Variants in PLEKHM3 observed in about 807,000 individuals in gnomAD.
PLEKHM3 encodes the protein pleckstrin homology domain containing M3.
Under a neutral mutation model 81.8 loss-of-function variants are expected in PLEKHM3, and 45 were observed. That is an observed-to-expected ratio of 0.55 (90% confidence interval 0.43 to 0.71). The LOEUF (loss-of-function observed/expected upper bound fraction) is 0.71. Among genes scored for constraint, PLEKHM3 ranks in the 30% least tolerant of loss-of-function variants. The probability of loss-of-function intolerance (pLI) is 0.00; values close to 1 mark genes in which losing one functional copy is unlikely to be tolerated. For missense variants in PLEKHM3, 788 were observed against 924.3 expected (o/e 0.85, Z 1.91); for synonymous variants, 352 against 356.4 (o/e 0.99, Z 0.14).
intron 1 of PLEKHM3, among the ~76,000 whole-genome samples, chr2:208,017,965 A>C (rs1385937384): frequency 2.0e-5 from 3 of 151,768 alleles, no homozygotes; most frequent in Non-Finnish European, 4.4e-5. Flanking sequence ...CCATATCGTA[A>C]ATGTGGGTAT....
intron 7 of PLEKHM3, among the ~76,000 whole-genome samples, chr2:207,845,547 G>A (rs1296271657): frequency 6.6e-6 from 1 of 152,090 alleles, no homozygotes; most frequent in South Asian, 2.1e-4. Flanking sequence ...TCTCTCTCCT[G>A]ACATTAAAGT....
chr2:208,020,667 T>A (rs990920578), intron 1 of PLEKHM3, among the ~76,000 whole-genome samples: 1 of 152,154 alleles, frequency 6.6e-6, no homozygotes, highest in African/African-American at 2.4e-5. Flanking sequence ...CAGTTCCTTA[T>A]GAACCAAATG....
At chr2:208,000,555 G>A (rs982609161) in intron 2 of PLEKHM3, among the ~76,000 whole-genome samples, 1 of 152,120 alleles carries the variant, frequency 6.6e-6, no homozygotes, top group Non-Finnish European at 1.5e-5. Context: ...AGTCTTTGCT[G>A]GTGTTGGATC....
chr2:208,018,365 C>T (rs1693000014), intron 1 of PLEKHM3, among the ~76,000 whole-genome samples: 1 of 117,474 alleles, frequency 8.5e-6, no homozygotes, highest in South Asian at 2.7e-4. Context: ...GAGCAAGACT[C>T]TGTCTCAAAA....
chr2:207,888,061 T>C (rs1687936091), intron 6 of PLEKHM3, among the ~76,000 whole-genome samples: 1 of 152,076 alleles, frequency 6.6e-6, no homozygotes, highest in Admixed American at 6.5e-5. Context: ...TGCAACAGGC[T>C]TCTCGGTGAC....
intron 6 of PLEKHM3, chr2:207,900,739 A>C (rs1301138938): frequency 6.6e-6 from 1 of 152,472 alleles, no homozygotes; most frequent in Non-Finnish European, 1.5e-5. Context: ...GCATTCAATC[A>C]ATACACACTT....
chr2:207,855,155 ATAAG>A (rs2092431204), intron 7 of PLEKHM3, among the ~76,000 whole-genome samples: 1 of 152,160 alleles, frequency 6.6e-6, no homozygotes, highest in African/African-American at 2.4e-5. Flanking sequence ...AGGGCAGGAA[ATAAG>A]TAAGACGATC....
intron 6 of PLEKHM3, among the ~76,000 whole-genome samples, chr2:207,870,358 A>G (rs1470130390): frequency 6.6e-6 from 1 of 152,202 alleles, no homozygotes; most frequent in Non-Finnish European, 1.5e-5. Flanking sequence ...TTCCTTAGCC[A>G]TTGTGTAACA....
intron 3 of PLEKHM3, among the ~76,000 whole-genome samples, chr2:207,961,754 G>A (rs372325452): frequency 1.1e-4 from 17 of 152,218 alleles, no homozygotes; most frequent in South Asian, 2.1e-4. Flanking sequence ...TCAGTTTCTC[G>A]TCTGCTTGGT....
chr2:207,953,890 T>G (rs1000669835), intron 3 of PLEKHM3, among the ~76,000 whole-genome samples: 1 of 151,908 alleles, frequency 6.6e-6, no homozygotes, highest in African/African-American at 2.4e-5. Flanking sequence ...ACCATGTTCC[T>G]ACCATGGGTG....
At chr2:207,922,901 G>A (rs1022344534) in intron 5 of PLEKHM3, among the ~76,000 whole-genome samples, 2 of 152,164 alleles carry the variant, frequency 1.3e-5, no homozygotes, top group African/African-American at 4.8e-5. Flanking sequence ...GAAGGGATCA[G>A]CTACTGAGGA....
chr2:208,001,404 C>G lies in PLEKHM3; in HGVS notation c.236G>C (p.Arg79Thr), dbSNP rs1366045219. The change falls in exon 2 of 8, where the codon AGG (arginine) becomes ACG (threonine). Residue 79 changes from arginine (R) to threonine (T), a missense_variant. Physicochemically the swap from Arg to Thr is moderately conservative, Grantham distance 71 (BLOSUM62 -1). Transcript: ENST00000427836. The part of the protein sequence containing the change: ...GGMIWDHCKS[R>T]LLETKAQNVF... ...ATTTTGAGCTTTGGTTTCTAAGAGC[C>G]TGCTCTTACAGTGGTCCCAAATCAT... 2 of 1,614,138 alleles carry G rather than the reference C, an allele frequency of 1.2e-6. No individual in the cohort carries two copies. Among genetic ancestry groups the G allele is most frequent in the Non-Finnish European group, 1.7e-6 (2 of 1,180,020 alleles).
At chr2:207,874,967 A>G (rs747162755) in intron 6 of PLEKHM3, among the ~76,000 whole-genome samples, 2 of 152,132 alleles carry the variant, frequency 1.3e-5, no homozygotes, top group African/African-American at 2.4e-5. Flanking sequence ...AAACTATAAC[A>G]TTAGGGAAAA....
chr2:207,889,971 T>C (rs898539018), intron 6 of PLEKHM3, among the ~76,000 whole-genome samples: 1 of 152,074 alleles, frequency 6.6e-6, no homozygotes, highest in Non-Finnish European at 1.5e-5. Context: ...ACCTGGCTAA[T>C]TTTTTGTATT....
In PLEKHM3 at chr2:207,828,408, T is replaced by G. The variant is rs760556769; in HGVS notation, c.2197A>C (p.Lys733Gln). Reference sequence around the variant, plus strand: ...AGTCTCTGCCAGAAAGACTTCTGCTTCTTCTGCAGCTCTCGGCGAACACAC... The same window carrying G: ...AGTCTCTGCCAGAAAGACTTCTGCTGCTTCTGCAGCTCTCGGCGAACACAC... ...PRCVRRELQK[K>Q]QKSFWQRLNM... Residue 733 changes from lysine (K) to glutamine (Q), a missense_variant, in exon 8 of 8, where the codon AAG becomes CAG. Coordinates refer to ENST00000427836, the MANE Select transcript of PLEKHM3 (RefSeq NM_001080475.3). 3.7e-6 allele frequency: 6 copies of G among 1,614,084 alleles called. No individual in the cohort carries two copies. The highest frequency in any genetic ancestry group is 1.6e-4 in the Middle Eastern group (1 of 6,062).
intron 5 of PLEKHM3, among the ~76,000 whole-genome samples, chr2:207,926,697 C>T (rs902580848): frequency 6.6e-6 from 1 of 152,156 alleles, no homozygotes; most frequent in Non-Finnish European, 1.5e-5. Flanking sequence ...TTTTAAGCTT[C>T]GGGGAGGACA....
intron 5 of PLEKHM3, among the ~76,000 whole-genome samples, chr2:207,919,153 A>T (rs1200973430): frequency 1.3e-5 from 2 of 152,180 alleles, no homozygotes; most frequent in African/African-American, 4.8e-5. Flanking sequence ...AAAAAAAGAA[A>T]AAAAGAGAAA....
Position 207,990,542 on chromosome 2 carries a change from C to T in PLEKHM3, c.610+10488G>A, listed in dbSNP as rs111674246. ...CGACTATGTTCAAGCCAGAAACAAA[C>T]GGAAAAAATGAACTAATTTTAGGTC... On this transcript the variant is annotated intron_variant, in intron 2 of 7. Transcript: ENST00000427836. Among the ~76,000 whole-genome samples the T allele has an allele frequency of 4.7e-4, 71 of 152,258 alleles. 1 individual carries two copies. The highest frequency in any genetic ancestry group is 3.4e-3 in the Middle Eastern group (1 of 294).
chr2:208,018,216 T>TA (rs1692993349), intron 1 of PLEKHM3, among the ~76,000 whole-genome samples: 3 of 151,814 alleles, frequency 2.0e-5, no homozygotes, highest in Admixed American at 1.3e-4. Context: ...CTACCAAAAA[T>TA]ACAAAAATTA....
Sources: gnomAD v4.1 joint callset for allele counts (sites outside exome capture counted in the v4.1 genomes callset) on GRCh38, gnomAD v4.1.1 for gene constraint, MANE v1.5 for transcripts, NCBI Gene and HGNC (gene_info 2026-07-23, HGNC 2026-07-21) for gene names.